WDR1: variants seen among roughly 807,000 people sequenced by gnomAD.
WDR1 encodes WD repeat domain 1.
Under a neutral mutation model 71.9 loss-of-function variants are expected in WDR1, and 21 were observed. The ratio of observed to expected loss-of-function variants is 0.29; its 90% CI spans 0.21 to 0.42. WDR1 has a LOEUF of 0.42. Ranked by LOEUF, WDR1 falls within the 10% of genes least tolerant of loss-of-function variation. The pLI is 1.00. For synonymous variants in WDR1, 424 were observed against 347.4 expected, an observed-to-expected ratio of 1.22 and a Z score of -2.45; for missense variants, 696 against 824.5, an observed-to-expected ratio of 0.84 and a Z score of 1.91.
chr4:10,109,270 G>A (rs143220903), intron 2 of WDR1, among the ~76,000 whole-genome samples: 57 of 152,376 alleles, frequency 3.7e-4, no homozygotes, highest in African/African-American at 1.0e-3. Context: ...ACTCACCTGG[G>A]TTATGAGCAT....
intron 4 of WDR1, among the ~76,000 whole-genome samples, chr4:10,098,519 C>T (rs193263248): frequency 3.3e-5 from 5 of 152,290 alleles, no homozygotes; most frequent in Admixed American, 3.3e-4. Context: ...TCACTAGGCC[C>T]CTGAGGTCAG....
chr4:10,103,860 C>G (rs1419052657), intron 3 of WDR1, 36 bp downstream of exon 3: 2 of 1,551,654 alleles, frequency 1.3e-6, no homozygotes, highest in Non-Finnish European at 1.7e-6. Context: ...ACCCAGGCCC[C>G]CACAGGTGTC....
chr4:10,110,200 G>T (rs550613081), intron 2 of WDR1, among the ~76,000 whole-genome samples: 1 of 152,292 alleles, frequency 6.6e-6, no homozygotes, highest in East Asian at 1.9e-4. Context: ...CAGGTCTAAG[G>T]AGCAGGCACA....
intron 2 of WDR1, among the ~76,000 whole-genome samples, chr4:10,112,670 C>G (rs1713457590): frequency 1.3e-5 from 2 of 150,392 alleles, no homozygotes; most frequent in South Asian, 4.2e-4. Context: ...GGCGATTCCA[C>G]AAAATTTAGG....
intron 1 of WDR1, 178 bp downstream of exon 1, chr4:10,116,473 C>G (rs1201529772): frequency 2.3e-5 from 17 of 742,012 alleles, no homozygotes; most frequent in Non-Finnish European, 3.2e-5. Flanking sequence ...GGGGGCGCAC[C>G]CCCCGTCGGG....
chr4:10,077,000 G>T (rs1447887193), intron 14 of WDR1: 3 of 372,742 alleles, frequency 8.0e-6, no homozygotes, highest in Non-Finnish European at 1.5e-5. Context: ...TCTTAGGGAG[G>T]GGGAGACCCT....
intron 3 of WDR1, among the ~76,000 whole-genome samples, chr4:10,102,908 AAGGC>A (rs1282286862): frequency 6.8e-6 from 1 of 146,658 alleles, no homozygotes; most frequent in Non-Finnish European, 1.5e-5. Flanking sequence ...ATGGCTAGGC[AAGGC>A]AGGCAGTAAG....
intron 2 of WDR1, among the ~76,000 whole-genome samples, chr4:10,106,130 AC>A (rs1712999394): frequency 6.6e-6 from 1 of 151,876 alleles, no homozygotes; most frequent in South Asian, 2.1e-4. Flanking sequence ...GGCGGGGGGC[AC>A]CCTCCGGAGT....
At chr4:10,112,279 A>G (rs1194716011) in intron 2 of WDR1, among the ~76,000 whole-genome samples, 1 of 152,120 alleles carries the variant, frequency 6.6e-6, no homozygotes, top group Admixed American at 6.5e-5. Context: ...CCCAGACCTA[A>G]GGAGGTACCA....
intron 5 of WDR1, 33 bp from the exon 6 acceptor site, chr4:10,088,774 G>A: frequency 3.3e-6 from 5 of 1,520,846 alleles, no homozygotes; most frequent in Non-Finnish European, 4.5e-6. Context: ...CTGATGAGGG[G>A]CCGCAGGCCT....
At position 10,116,066 on chromosome 4, in the gene WDR1, C is replaced by A. The variant is rs779664992; in HGVS notation, c.138+47G>T. ...GAGAGGAAGGCGAATTATCCCATCC[C>A]AAGGTGGCTCCGGAGCAGAACCGCG... On this transcript the variant is annotated intron_variant, in intron 2 of 14. Transcript: ENST00000499869. 6 of 1,595,742 alleles carry A rather than the reference C, an allele frequency of 3.8e-6. No individual in the cohort carries two copies. The East Asian group carries it at 6.9e-5, about 18-fold the overall frequency.
chr4:10,083,908 G>A (rs1228990580), intron 9 of WDR1, among the ~76,000 whole-genome samples: 3 of 152,248 alleles, frequency 2.0e-5, no homozygotes, highest in South Asian at 2.1e-4. Flanking sequence ...GAACATCACC[G>A]AAGGGCCACA....
At chr4:10,109,744 C>T (rs186732554) in intron 2 of WDR1, among the ~76,000 whole-genome samples, 1 of 152,230 alleles carries the variant, frequency 6.6e-6, no homozygotes, top group Admixed American at 6.5e-5. Flanking sequence ...AGGGCCTTAA[C>T]TGATGAGTTG....
chr4:10,116,268 G>A (rs1193452323), intron 1 of WDR1, 34 bp from the exon 2 acceptor site: 1 of 1,612,474 alleles, frequency 6.2e-7, no homozygotes, highest in Non-Finnish European at 8.5e-7. Flanking sequence ...GGCATGTCAG[G>A]GCAGGGCGGG....
chr4:10,086,778 C>G (rs747202446), intron 8 of WDR1, among the ~76,000 whole-genome samples: 1 of 152,192 alleles, frequency 6.6e-6, no homozygotes, highest in Non-Finnish European at 1.5e-5. Context: ...AGTGCATTGT[C>G]CACCTGCCTT....
At position 10,099,146 on chromosome 4, in the gene WDR1, G is replaced by C; in HGVS notation, c.230-7C>G. The stretch of plus-strand genomic sequence containing the variant: ...CTCAGCTTCCCAGACACATCTGTGG[G>C]GCACAGCGGGCGGGGGAGGGGGGGA... On this transcript the variant is annotated splice_polypyrimidine_tract_variant and splice_region_variant and intron_variant, in intron 3 of 14. Transcript: ENST00000499869. 8 of 1,524,650 alleles carry C rather than the reference G, an allele frequency of 5.2e-6. No individual in the cohort carries two copies. The highest frequency in any genetic ancestry group is 7.1e-6 in the Non-Finnish European group (8 of 1,121,772). 94.4% of individuals were successfully genotyped at this position (1,524,650 alleles called of 1,614,324 possible).
At chr4:10,105,246 T>C (rs1387579223) in intron 2 of WDR1, among the ~76,000 whole-genome samples, 9 of 152,328 alleles carry the variant, frequency 5.9e-5, no homozygotes, top group Middle Eastern at 3.4e-3. Flanking sequence ...TCATAGTCCC[T>C]AGCATTCCTG....
intron 2 of WDR1, among the ~76,000 whole-genome samples, chr4:10,115,024 G>T (rs1713623385): frequency 6.6e-6 from 1 of 152,220 alleles, no homozygotes; most frequent in South Asian, 2.1e-4. Flanking sequence ...TGGCCTCCTG[G>T]AGGGCAAGTG....
At chr4:10,095,599 C>T (rs1030565116) in intron 5 of WDR1, among the ~76,000 whole-genome samples, 2 of 152,234 alleles carry the variant, frequency 1.3e-5, no homozygotes, top group African/African-American at 2.4e-5. Flanking sequence ...AGTGCAGATA[C>T]ACACCAAAGT....
Sources: allele counts gnomAD v4.1 joint callset (sites outside exome capture counted in the v4.1 genomes callset), GRCh38; gene constraint gnomAD v4.1.1; transcripts MANE v1.5; gene names NCBI Gene and HGNC (gene_info 2026-07-23, HGNC 2026-07-21).